The following CDH13 variants were observed in gnomAD, a reference collection of about 807,000 sequenced individuals.
CDH13 encodes cadherin-13.
Under a neutral mutation model 63.8 loss-of-function variants are expected in CDH13, and 24 were observed. That is an observed-to-expected ratio of 0.38 (90% CI 0.27 to 0.53). The LOEUF (loss-of-function observed/expected upper bound fraction) is 0.53. CDH13 is among the 20% of genes least tolerant of loss of function. The pLI, the probability that CDH13 is intolerant of heterozygous loss-of-function variation, is 0.85. For missense variants in CDH13, 1,049 were observed against 903.1 expected, an observed-to-expected ratio of 1.16 and a Z score of -2.07; for synonymous variants, 503 against 355.3, an observed-to-expected ratio of 1.42 and a Z score of -4.67.
intron 6 of CDH13, among the ~76,000 whole-genome samples, chr16:83,388,308 G>A (rs986337456): frequency 1.3e-5 from 2 of 150,258 alleles, no homozygotes; most frequent in Non-Finnish European, 3.0e-5. Context: ...AAAAATGTTA[G>A]CCAGGCATGG....
chr16:83,500,546 TCCTCCTCCCTCTCCC>T (rs2074260322), intron 7 of CDH13, among the ~76,000 whole-genome samples: 1 of 14,372 alleles, frequency 7.0e-5, no homozygotes, highest in Non-Finnish European at 1.2e-4. Context: ...TCCCTCTCCC[TCCTCCTCCCTCTCCC>T]TCCTCCTCCC....
chr16:82,807,979 G>A, intron 1 of CDH13, among the ~76,000 whole-genome samples: 1 of 152,144 alleles, frequency 6.6e-6, no homozygotes, highest in East Asian at 1.9e-4. Context: ...ACGAGAGACA[G>A]AATATTCCCC....
intron 7 of CDH13, among the ~76,000 whole-genome samples, chr16:83,487,960 C>T (rs540075747): frequency 6.6e-6 from 1 of 152,330 alleles, no homozygotes; most frequent in African/African-American, 2.4e-5. Flanking sequence ...TCTCTGACTA[C>T]TCTTGCCTGT....
chr16:83,233,577 G>C (rs770641166), intron 5 of CDH13, among the ~76,000 whole-genome samples: 2 of 152,118 alleles, frequency 1.3e-5, no homozygotes, highest in Non-Finnish European at 2.9e-5. Flanking sequence ...ATCATTCTCC[G>C]ACCTTTTCCA....
At chr16:83,151,544 G>C (rs1157442645) in intron 4 of CDH13, among the ~76,000 whole-genome samples, 1 of 152,100 alleles carries the variant, frequency 6.6e-6, no homozygotes, top group Non-Finnish European at 1.5e-5. Flanking sequence ...AAAAGGCGGT[G>C]GATTTGGACA....
At chr16:83,260,106 AC>A (rs1906791240) in intron 5 of CDH13, among the ~76,000 whole-genome samples, 2 of 133,252 alleles carry the variant, frequency 1.5e-5, no homozygotes, top group Non-Finnish European at 3.2e-5. Flanking sequence ...ATACACACAC[AC>A]ACACACACAC....
At chr16:82,917,198 C>T (rs1421775444) in intron 2 of CDH13, among the ~76,000 whole-genome samples, 1 of 152,152 alleles carries the variant, frequency 6.6e-6, no homozygotes, top group Non-Finnish European at 1.5e-5. Flanking sequence ...ACCGCATTAA[C>T]TCTAAAGAAG....
intron 6 of CDH13, among the ~76,000 whole-genome samples, chr16:83,377,779 G>C (rs2091485179): frequency 6.6e-6 from 1 of 152,098 alleles, no homozygotes; most frequent in Non-Finnish European, 1.5e-5. Flanking sequence ...TCAGAGCAAA[G>C]ACAAAGGCAA....
chr16:82,723,797 T>TA (rs754750828), intron 1 of CDH13, among the ~76,000 whole-genome samples: 18 of 152,124 alleles, frequency 1.2e-4, no homozygotes, highest in Admixed American at 3.3e-4. Context: ...TAATCAGAGT[T>TA]AAAAAAAATA....
At chr16:83,557,400 C>T (rs531441176) in intron 7 of CDH13, among the ~76,000 whole-genome samples, 4 of 152,246 alleles carry the variant, frequency 2.6e-5, no homozygotes, top group East Asian at 3.9e-4. Flanking sequence ...CACTCTGGTC[C>T]GTGGAAAAAT....
chr16:82,933,515 C>G (rs1454823839), intron 2 of CDH13, among the ~76,000 whole-genome samples: 4 of 152,054 alleles, frequency 2.6e-5, no homozygotes, highest in African/African-American at 9.7e-5. Context: ...GCCACTTGCC[C>G]CTCTCAAATC....
intron 6 of CDH13, among the ~76,000 whole-genome samples, chr16:83,363,931 C>T (rs1156308803): frequency 2.0e-5 from 3 of 152,142 alleles, no homozygotes; most frequent in African/African-American, 7.2e-5. Flanking sequence ...TAAGCACCTA[C>T]AGTGGACAGA....
At chr16:82,916,449 C>G (rs1304356456) in intron 2 of CDH13, among the ~76,000 whole-genome samples, 2 of 152,066 alleles carry the variant, frequency 1.3e-5, no homozygotes, top group Non-Finnish European at 2.9e-5. Context: ...TGGCAGGCAC[C>G]TGTAATCCTA....
intron 4 of CDH13, among the ~76,000 whole-genome samples, chr16:83,141,970 T>C (rs922304074): frequency 6.6e-6 from 1 of 151,896 alleles, no homozygotes; most frequent in African/African-American, 2.4e-5. Context: ...ACCCACCCAG[T>C]CTTTGAATAG....
intron 1 of CDH13, among the ~76,000 whole-genome samples, chr16:82,807,970 C>G (rs773684066): frequency 1.3e-5 from 2 of 152,090 alleles, no homozygotes; most frequent in Non-Finnish European, 2.9e-5. Context: ...AACTTATTAA[C>G]GAGAGACAGA....
intron 4 of CDH13, among the ~76,000 whole-genome samples, chr16:83,143,734 G>A (rs906337472): frequency 2.0e-5 from 3 of 152,110 alleles, no homozygotes; most frequent in African/African-American, 7.2e-5. Flanking sequence ...TATACAACCT[G>A]CTCTGCATCC....
At chr16:83,051,235 C>A (rs547587108) in intron 3 of CDH13, among the ~76,000 whole-genome samples, 1 of 152,168 alleles carries the variant, frequency 6.6e-6, no homozygotes, top group African/African-American at 2.4e-5. Flanking sequence ...TCACAATTCC[C>A]TGTCATTCAT....
At chr16:82,825,190 C>T (rs187855169) in intron 1 of CDH13, 11 of 152,188 alleles carry the variant, frequency 7.2e-5, no homozygotes, top group African/African-American at 2.7e-4. Flanking sequence ...AACGAACTTT[C>T]TTCTTTTTCC....
intron 7 of CDH13, among the ~76,000 whole-genome samples, chr16:83,568,483 A>G (rs1464640174): frequency 2.0e-5 from 3 of 152,160 alleles, no homozygotes; most frequent in Non-Finnish European, 4.4e-5. Flanking sequence ...TTATTGATGA[A>G]TCATTGTTTC....
Sources: gnomAD v4.1 joint callset for allele counts (sites outside exome capture counted in the v4.1 genomes callset) on GRCh38, gnomAD v4.1.1 for gene constraint, MANE v1.5 for transcripts, NCBI Gene and HGNC (gene_info 2026-07-23, HGNC 2026-07-21) for gene names.